SENP1: variants seen among roughly 807,000 people sequenced by gnomAD.
SENP1 encodes SUMO specific peptidase 1, also known as sentrin-specific protease 1.
SENP1 carries 21 observed loss-of-function variants against 93.0 expected under a neutral mutation model. That is an observed-to-expected ratio of 0.23 (90% CI 0.16 to 0.33). The LOEUF (loss-of-function observed/expected upper bound fraction) is 0.33, where lower values mean the gene tolerates loss of function less well. SENP1 is among the 10% of genes least tolerant of loss of function. SENP1 has a pLI of 1.00. For synonymous variants in SENP1, 256 were observed against 259.6 expected (o/e 0.99, Z 0.13); for missense variants, 591 against 758.7 (o/e 0.78, Z 2.60).
At chr12:48,083,097 G>T (rs1185443841) in intron 6 of SENP1, among the ~76,000 whole-genome samples, 1 of 152,004 alleles carries the variant, frequency 6.6e-6, no homozygotes, top group Non-Finnish European at 1.5e-5. Context: ...TAGAGACAGG[G>T]TTTCTCCATG....
intron 9 of SENP1, among the ~76,000 whole-genome samples, chr12:48,069,152 CAAAAAAAAAA>C (rs10564674): frequency 6.7e-4 from 51 of 76,358 alleles, no homozygotes; most frequent in Non-Finnish European, 1.0e-3. Flanking sequence ...GACTCTGTCA[CAAAAAAAAAA>C]AAAAAAAAAA....
chr12:48,097,996 G>T lies in SENP1; in HGVS notation c.133C>A (p.Gln45Lys), dbSNP rs1945674848. 1 of 1,613,022 alleles carries T rather than the reference G, an allele frequency of 6.2e-7. No homozygotes were observed. The highest frequency in any genetic ancestry group is 1.3e-5 in the African/African-American group (1 of 74,878). ...PEDQLSLSDQ[Q>K]ILSSRQGHLD... Reference sequence around the variant, plus strand: ...AAAGGAAGAAAATTGCTCCTAACCTGCTGGTCAGAAAGCGAAAGCTGGTCC... The same window carrying T: ...AAAGGAAGAAAATTGCTCCTAACCTTCTGGTCAGAAAGCGAAAGCTGGTCC... Residue 45 changes from glutamine (Q) to lysine (K), a missense_variant and splice_region_variant, in exon 3 of 18, where the codon CAG (glutamine) becomes AAG (lysine). Transcript: ENST00000549518.
At chr12:48,085,810 C>T (rs368443878) in intron 5 of SENP1, among the ~76,000 whole-genome samples, 7 of 151,122 alleles carry the variant, frequency 4.6e-5, no homozygotes, top group African/African-American at 1.5e-4. Context: ...GTGGATGCAG[C>T]TAGGAAAAGA....
At chr12:48,065,416 T>A (rs552244426) in intron 11 of SENP1, among the ~76,000 whole-genome samples, 180 bp downstream of exon 11, 1 of 152,232 alleles carries the variant, frequency 6.6e-6, no homozygotes, top group Non-Finnish European at 1.5e-5. Flanking sequence ...ATTTGTCTTA[T>A]GTACAATGAG....
intron 5 of SENP1, among the ~76,000 whole-genome samples, chr12:48,086,477 C>A (rs914527160): frequency 1.3e-5 from 2 of 152,046 alleles, no homozygotes. Context: ...TCAAGTCACA[C>A]GGGAAAAAAC....
chr12:48,094,796 T>C (rs1395790735), intron 4 of SENP1, among the ~76,000 whole-genome samples: 1 of 152,186 alleles, frequency 6.6e-6, no homozygotes, highest in East Asian at 1.9e-4. Flanking sequence ...AGTAATTGTT[T>C]TTAACTTAAA....
intron 5 of SENP1, among the ~76,000 whole-genome samples, chr12:48,086,031 G>C (rs1009399525): frequency 1.3e-4 from 20 of 152,184 alleles, no homozygotes; most frequent in Non-Finnish European, 1.3e-4. Flanking sequence ...ACAGACAGAA[G>C]CAAGCTTAAA....
At chr12:48,084,339 G>A (rs1592424275) in intron 5 of SENP1, among the ~76,000 whole-genome samples, 2 of 151,606 alleles carry the variant, frequency 1.3e-5, no homozygotes, top group African/African-American at 4.8e-5. Flanking sequence ...TTCCTCTGAA[G>A]AATTTTTTGT....
At chr12:48,073,107 AG>A (rs1438856420) in intron 8 of SENP1, among the ~76,000 whole-genome samples, 1 of 152,170 alleles carries the variant, frequency 6.6e-6, no homozygotes, top group Non-Finnish European at 1.5e-5. Flanking sequence ...TACTACTCAA[AG>A]GCAGGAATCA....
Position 48,101,510 on chromosome 12 carries a change from C to T in SENP1, c.-38G>A. On this transcript the variant is annotated 5_prime_UTR_variant, in exon 2 of 18. Coordinates refer to ENST00000549518, the MANE Select transcript of SENP1 (RefSeq NM_001267594.2). Reference sequence around the variant, plus strand: ...CACATCACTGACTTTAGCAAAGATACAAAGTCCTATAAAAGAAGACACAAA... The same window carrying T: ...CACATCACTGACTTTAGCAAAGATATAAAGTCCTATAAAAGAAGACACAAA... The T allele has an allele frequency of 6.4e-7, 1 of 1,572,148 alleles. No individual in the cohort carries two copies. The highest frequency in any genetic ancestry group is 8.7e-7 in the Non-Finnish European group (1 of 1,152,704).
chr12:48,089,136 A>T, intron 4 of SENP1, 176 bp from the exon 5 acceptor site: 1 of 1,575,486 alleles, frequency 6.3e-7, no homozygotes, highest in Non-Finnish European at 8.6e-7. Flanking sequence ...AACTTCTACA[A>T]ACTATAATTG....
intron 9 of SENP1, among the ~76,000 whole-genome samples, chr12:48,069,152 C>CAAAAAAAAAA (rs10564674): frequency 4.2e-4 from 32 of 76,342 alleles, no homozygotes; most frequent in African/African-American, 1.2e-3. Flanking sequence ...GACTCTGTCA[C>CAAAAAAAAAA]AAAAAAAAAA....
intron 13 of SENP1, among the ~76,000 whole-genome samples, chr12:48,061,286 G>A (rs906649519): frequency 6.6e-6 from 1 of 152,084 alleles, no homozygotes; most frequent in African/African-American, 2.4e-5. Context: ...TATAAAGCAG[G>A]AAACAGAAAA....
chr12:48,048,976 C>T lies in SENP1; in HGVS notation c.1564G>A (p.Asp522Asn). ...WTKKVDVFSV[D>N]ILLVPIHLGV... ...AGGTGAATGGGCACCAAAAGAATGT[C>T]AACAGAAAATACATCTACTTTCTTT... The change falls in exon 14 of 18, where the codon GAC (aspartate) becomes AAC (asparagine). Residue 522 changes from aspartate (D) to asparagine (N), a missense_variant. Coordinates refer to ENST00000549518, the MANE Select transcript of SENP1 (RefSeq NM_001267594.2). 1 of 1,613,728 alleles carries T rather than the reference C, an allele frequency of 6.2e-7. No homozygotes were observed. Among genetic ancestry groups the T allele is most frequent in the Non-Finnish European group, 8.5e-7 (1 of 1,179,718 alleles).
intron 6 of SENP1, among the ~76,000 whole-genome samples, chr12:48,082,782 G>A (rs141536783): frequency 2.6e-5 from 4 of 152,206 alleles, no homozygotes; most frequent in Non-Finnish European, 5.9e-5. Context: ...TCAGGAGTCT[G>A]TAACTTCAAA....
intron 9 of SENP1, among the ~76,000 whole-genome samples, chr12:48,069,918 T>C (rs896745777): frequency 2.6e-5 from 4 of 152,190 alleles, no homozygotes; most frequent in South Asian, 2.1e-4. Context: ...AGAAAGAATA[T>C]TTCATTACTC....
intron 13 of SENP1, among the ~76,000 whole-genome samples, chr12:48,051,966 C>T (rs2136794071): frequency 6.6e-6 from 1 of 152,336 alleles, no homozygotes; most frequent in East Asian, 1.9e-4. Context: ...CCTCTATTTG[C>T]TCACTGTGGC....
chr12:48,105,219 A>G, intron 1 of SENP1: 1 of 365,706 alleles, frequency 2.7e-6, no homozygotes, highest in South Asian at 2.1e-5. Flanking sequence ...AATATGAAGT[A>G]AAATGACTTT....
chr12:48,091,167 A>G (rs1445960535), intron 4 of SENP1, among the ~76,000 whole-genome samples: 5 of 152,186 alleles, frequency 3.3e-5, no homozygotes, highest in Admixed American at 3.3e-4. Flanking sequence ...GAATGTGTCA[A>G]GACTGGGTGT....
Sources: allele counts gnomAD v4.1 joint callset (sites outside exome capture counted in the v4.1 genomes callset), GRCh38; gene constraint gnomAD v4.1.1; transcripts MANE v1.5; gene names NCBI Gene and HGNC (gene_info 2026-07-23, HGNC 2026-07-21).